Variants in CWC27 observed in about 807,000 individuals in gnomAD.
The protein encoded by CWC27 is CWC27 spliceosome associated cyclophilin.
In CWC27, 47 loss-of-function variants were observed where a neutral mutation model predicts 63.6. That is an observed-to-expected ratio of 0.74 (90% confidence interval 0.58 to 0.94). The LOEUF is 0.94. Among genes scored for constraint, CWC27 ranks in the 40% least tolerant of loss-of-function variants. The pLI, the probability that CWC27 is intolerant of heterozygous loss-of-function variation, is 0.00. For missense variants in CWC27, 495 were observed against 554.3 expected, an observed-to-expected ratio of 0.89 and a Z score of 1.07; for synonymous variants, 175 against 179.8, an observed-to-expected ratio of 0.97 and a Z score of 0.22.
intron 11 of CWC27, among the ~76,000 whole-genome samples, chr5:64,916,885 T>TTAGTAG (rs56214406): frequency 0.08 from 11,581 of 143,966 alleles, 492 homozygotes; most frequent in Admixed American, 0.13. Context: ...AGTAGTAGTA[T>TTAGTAG]TAGTAGTAGT....
At chr5:64,901,688 A>G (rs969929398) in intron 11 of CWC27, among the ~76,000 whole-genome samples, 3 of 152,176 alleles carry the variant, frequency 2.0e-5, no homozygotes, top group African/African-American at 7.2e-5. Flanking sequence ...ACTTCGGCTT[A>G]CTGTAACTTT....
chr5:64,975,012 C>T (rs1352508768), intron 12 of CWC27, among the ~76,000 whole-genome samples: 3 of 152,176 alleles, frequency 2.0e-5, no homozygotes, highest in Non-Finnish European at 4.4e-5. Context: ...TGCTAACATA[C>T]TCTGCAGCCC....
intron 11 of CWC27, among the ~76,000 whole-genome samples, chr5:64,932,063 A>G (rs1748247535): frequency 3.3e-5 from 5 of 152,152 alleles, no homozygotes; most frequent in African/African-American, 1.2e-4. Context: ...ATTATGATAC[A>G]TAATGTTTAC....
chr5:64,780,600 A>ATT (rs1012417910), intron 2 of CWC27, among the ~76,000 whole-genome samples: 11 of 148,198 alleles, frequency 7.4e-5, no homozygotes, highest in African/African-American at 2.7e-4. Flanking sequence ...TTACTTATAT[A>ATT]TTATATATTA....
intron 10 of CWC27, among the ~76,000 whole-genome samples, chr5:64,805,385 A>G (rs1314705277): frequency 2.6e-5 from 4 of 151,674 alleles, no homozygotes; most frequent in Admixed American, 2.0e-4. Flanking sequence ...TACCATACAT[A>G]GTAGCTAATA....
chr5:64,953,965 C>T (rs191237519), intron 11 of CWC27, among the ~76,000 whole-genome samples: 1 of 152,312 alleles, frequency 6.6e-6, no homozygotes, highest in Non-Finnish European at 1.5e-5. Flanking sequence ...GTTATTTTCT[C>T]AAGGAATACA....
chr5:64,912,171 G>A (rs1368672963), intron 11 of CWC27, among the ~76,000 whole-genome samples: 1 of 151,990 alleles, frequency 6.6e-6, no homozygotes, highest in Non-Finnish European at 1.5e-5. Context: ...GAATTAAGGT[G>A]GTTCTGGATT....
chr5:64,965,006 T>C (rs1334996042), intron 11 of CWC27, among the ~76,000 whole-genome samples: 1 of 152,158 alleles, frequency 6.6e-6, no homozygotes, highest in Admixed American at 6.5e-5. Context: ...CCTGAATCAC[T>C]TGAACCCGGG....
chr5:65,006,358 G>T (rs1266747458), intron 13 of CWC27, among the ~76,000 whole-genome samples: 1 of 152,216 alleles, frequency 6.6e-6, no homozygotes, highest in Admixed American at 6.5e-5. Context: ...GTTCTGAGAG[G>T]TCAGTATTGT....
intron 13 of CWC27, among the ~76,000 whole-genome samples, chr5:65,004,909 TACACACACACACAC>T (rs61613608): frequency 1.5e-5 from 1 of 65,086 alleles, no homozygotes; most frequent in Non-Finnish European, 2.7e-5. Flanking sequence ...TATATATACA[TACACACACACACAC>T]ACACACACAC....
intron 10 of CWC27, among the ~76,000 whole-genome samples, chr5:64,881,367 G>T (rs1156932379): frequency 6.6e-6 from 1 of 152,076 alleles, no homozygotes; most frequent in African/African-American, 2.4e-5. Context: ...TTTAAGGATA[G>T]ATTTTTAGAA....
At chr5:64,996,988 C>G (rs956338412) in intron 13 of CWC27, among the ~76,000 whole-genome samples, 1 of 152,080 alleles carries the variant, frequency 6.6e-6, no homozygotes, top group African/African-American at 2.4e-5. Flanking sequence ...CAAATGACTT[C>G]AGGACTTAAT....
intron 10 of CWC27, among the ~76,000 whole-genome samples, chr5:64,806,789 C>T (rs1228387602): frequency 6.6e-6 from 1 of 151,896 alleles, no homozygotes; most frequent in East Asian, 1.9e-4. Flanking sequence ...CTGCAGTGAG[C>T]TATGATCCTG....
intron 13 of CWC27, among the ~76,000 whole-genome samples, chr5:64,991,777 A>AG (rs576841989): frequency 1.2e-3 from 190 of 152,300 alleles, no homozygotes; most frequent in African/African-American, 4.4e-3. Flanking sequence ...AACCAATTAA[A>AG]GGTTTTAAAT....
At chr5:64,815,073 A>G (rs978390496) in intron 10 of CWC27, among the ~76,000 whole-genome samples, 2 of 152,100 alleles carry the variant, frequency 1.3e-5, no homozygotes, top group Admixed American at 6.6e-5. Context: ...GGAACACTGG[A>G]TATTCCTACT....
intron 7 of CWC27, among the ~76,000 whole-genome samples, chr5:64,789,737 C>A (rs1234533098): frequency 1.3e-5 from 2 of 152,222 alleles, no homozygotes; most frequent in Non-Finnish European, 2.9e-5. Context: ...GTGTATACTA[C>A]AAGAAAACTG....
At chr5:64,809,879 G>A (rs536054553) in intron 10 of CWC27, among the ~76,000 whole-genome samples, 17 of 152,112 alleles carry the variant, frequency 1.1e-4, no homozygotes, top group South Asian at 4.2e-4. Context: ...CCTTTGCTGC[G>A]CAGAACTTTT....
At chr5:64,846,481 A>G (rs967731876) in intron 10 of CWC27, among the ~76,000 whole-genome samples, 1 of 152,198 alleles carries the variant, frequency 6.6e-6, no homozygotes, top group Non-Finnish European at 1.5e-5. Flanking sequence ...CTTATACTTG[A>G]TTGTTTATAA....
At chr5:64,782,922 C>G (rs1014424441) in intron 3 of CWC27, among the ~76,000 whole-genome samples, 1 of 152,148 alleles carries the variant, frequency 6.6e-6, no homozygotes, top group African/African-American at 2.4e-5. Flanking sequence ...GATACTCCGT[C>G]TAGTCGGAAG....
Sources: gnomAD v4.1 joint callset for allele counts (sites outside exome capture counted in the v4.1 genomes callset) on GRCh38, gnomAD v4.1.1 for gene constraint, MANE v1.5 for transcripts, NCBI Gene and HGNC (gene_info 2026-07-23, HGNC 2026-07-21) for gene names.